Variants in RUNX3 observed in about 807,000 individuals in gnomAD.
The protein encoded by RUNX3 is runt-related transcription factor 3.
Under a neutral mutation model 27.7 loss-of-function variants are expected in RUNX3, and 10 were observed. That is an observed-to-expected ratio of 0.36 (90% confidence interval 0.22 to 0.61). The LOEUF (loss-of-function observed/expected upper bound fraction) is 0.61. Ranked by LOEUF, RUNX3 falls within the 20% of genes least tolerant of loss-of-function variation. RUNX3 has a pLI of 0.72. For missense variants in RUNX3, 469 were observed against 629.5 expected (o/e 0.75, Z 2.73); for synonymous variants, 270 against 269.2 (o/e 1.00, Z -0.03).
In RUNX3 at chr1:24,902,222, C is replaced by A. The variant is rs868718243; in HGVS notation, c.1148G>T (p.Gly383Val). Reference sequence around the variant, plus strand: ...GTCGGCCTCCACGCCATCACTCTGGCCGCCCAGGCTGGGGTTCATGAGGTT... The same window carrying A: ...GTCGGCCTCCACGCCATCACTCTGGACGCCCAGGCTGGGGTTCATGAGGTT... ...AGNLMNPSLG[G>V]QSDGVEADGS... is the part of the protein sequence containing the mutation. The change falls in exon 5 of 5, where the codon GGC (glycine) becomes GTC (valine). Residue 383 changes from glycine to valine, a missense_variant. Coordinates refer to ENST00000308873, the MANE Select transcript of RUNX3 (RefSeq NM_004350.3). This position sits in a 1 kb window ranked among gnomAD's most constrained non-coding sequence, Gnocchi z 9.2. The A allele has an allele frequency of 1.3e-6, 2 of 1,572,086 alleles. No homozygotes were observed. Among genetic ancestry groups the A allele is most frequent in the African/African-American group, 1.3e-5 (1 of 74,588 alleles).
At position 24,902,253 on chromosome 1, in the gene RUNX3, C is replaced by T. The variant is rs771171662; in HGVS notation, c.1117G>A (p.Ala373Thr). 6.3e-6 allele frequency: 10 copies of T among 1,585,348 alleles called. No homozygotes were observed. The highest frequency in any genetic ancestry group is 2.3e-5 in the South Asian group (2 of 87,394). The change falls in exon 5 of 5, where the codon GCC becomes ACC. Residue 373 changes from alanine to threonine, a missense_variant. Ala to Thr is a moderately conservative substitution (Grantham distance 58). Around this residue, in one of 3 missense-constraint regions of RUNX3, gnomAD observed 279 missense variants for 343.0 expected, o/e 0.81. Coordinates refer to ENST00000308873, the MANE Select transcript of RUNX3 (RefSeq NM_004350.3). This position sits in a 1 kb window ranked among gnomAD's most constrained non-coding sequence, Gnocchi z 9.2. ...AGGCTGGGGTTCATGAGGTTGCCGG[C>T]GGCGACAGAGGCAGCGCTGCTGGTG... is the stretch of plus-strand genomic sequence containing the variant. ...SCTSSAASVAAGNLMNPSLGG... is the reference protein window; with the variant it reads ...SCTSSAASVATGNLMNPSLGG...
At position 24,938,683 on chromosome 1, in the gene RUNX3, T is replaced by TG. The variant is rs560473330; in HGVS notation, c.59-8832dup. On this transcript the variant is annotated intron_variant, in intron 2 of 6. Coordinates refer to the RUNX3 transcript ENST00000338888. ...CCATTGTGATGGTATTAAGAGGCAG[T>TG]GGGGGGCCTTTCGGGAAGTGATTAA... Among the ~76,000 whole-genome samples, 348 of 152,216 alleles carry TG rather than the reference T, an allele frequency of 2.3e-3. 1 individual carries two copies. Among genetic ancestry groups the TG allele is most frequent in the Admixed American group, 5.6e-3 (86 of 15,292 alleles).
intron 3 of RUNX3, among the ~76,000 whole-genome samples, chr1:24,911,123 C>A (rs1311363043): frequency 6.6e-6 from 1 of 152,226 alleles, no homozygotes. Flanking sequence ...TGTGGATGAG[C>A]TGGGGGACAA....
intron 1 of RUNX3, among the ~76,000 whole-genome samples, chr1:24,928,078 C>T (rs1471441475): frequency 6.6e-6 from 1 of 152,136 alleles, no homozygotes; most frequent in Admixed American, 6.5e-5. Flanking sequence ...TCGGCTGCAG[C>T]GAAAGAGGAA....
At chr1:24,929,466 G>C (rs764150986) in intron 1 of RUNX3, 121 bp downstream of exon 1, 7 of 1,027,788 alleles carry the variant, frequency 6.8e-6, no homozygotes, top group Non-Finnish European at 8.8e-6. Flanking sequence ...CCGGGTGCCC[G>C]GGTGTCGCCG....
intron 1 of RUNX3, 62 bp downstream of exon 1, chr1:24,929,525 C>T (rs746758898): frequency 6.7e-7 from 1 of 1,488,442 alleles, no homozygotes; most frequent in South Asian, 1.2e-5. Context: ...GCTCTGGCTC[C>T]CGCAGCTCAG....
rs573506691 is a variant in RUNX3, at chr1:24,927,644, A to G, written c.369T>C (p.Asn123=). The change falls in exon 2 of 5, where the codon AAT becomes AAC. Residue 123 remains asparagine, a synonymous_variant. Transcript: ENST00000308873. The surrounding 1 kb of genome is among the most constrained non-coding windows in gnomAD (Gnocchi z 5.0). ...CCTGGTTCTTCATGACGGCCGAGGCATTGCGCAGCTCAGCGGAGTAGTTCT... is the reference window on the plus strand; with the variant it reads ...CCTGGTTCTTCATGACGGCCGAGGCGTTGCGCAGCTCAGCGGAGTAGTTCT... ...NDENYSAELR[N]ASAVMKNQVA... 3 of 1,614,142 alleles carry G rather than the reference A, an allele frequency of 1.9e-6. No individual in the cohort carries two copies. In the African/African-American group the frequency reaches 4.0e-5, roughly 22 times the overall value.
At chr1:24,938,960 C>T (rs1006179544) in intron 2 of RUNX3, among the ~76,000 whole-genome samples, 3 of 152,174 alleles carry the variant, frequency 2.0e-5, no homozygotes, top group African/African-American at 4.8e-5. Flanking sequence ...GTTACAGCGA[C>T]ACAGAGTGAA....
rs1641190865 is a variant in RUNX3, at chr1:24,930,179, G to A, written c.-311C>T. 1.0e-6 allele frequency: 1 copy of A among 978,796 alleles called. No homozygotes were observed. Among genetic ancestry groups the A allele is most frequent in the East Asian group, 1.2e-4 (1 of 8,652 alleles). The allele number at this position is 978,796 out of a possible 1,614,324, so 60.6% of individuals were successfully genotyped here. A position where few individuals can be genotyped will look rare whatever the true frequency, so the allele number is the denominator to read the frequency against. On this transcript the variant is annotated 5_prime_UTR_variant, in exon 1 of 5. Coordinates refer to ENST00000308873, the MANE Select transcript of RUNX3 (RefSeq NM_004350.3). The surrounding 1 kb of genome is among the most constrained non-coding windows in gnomAD (Gnocchi z 4.1). Reference sequence around the variant, plus strand: ...TGGGCCGCGGCGGGGCCCGCGCGGGGCTGTGCCGCTGCCGCCGCCTCCCGC... The same window carrying A: ...TGGGCCGCGGCGGGGCCCGCGCGGGACTGTGCCGCTGCCGCCGCCTCCCGC...
At chr1:24,954,859 C>T (rs1270875230) in intron 2 of RUNX3, among the ~76,000 whole-genome samples, 6 of 152,214 alleles carry the variant, frequency 3.9e-5, no homozygotes, top group Non-Finnish European at 1.5e-5. Context: ...GCCATGTCTA[C>T]ACTGGCCTAT....
chr1:24,933,083 C>T (rs1641268020), upstream of RUNX3, among the ~76,000 whole-genome samples: 1 of 152,144 alleles, frequency 6.6e-6, no homozygotes, highest in South Asian at 2.1e-4. Context: ...TGCCGCCTTC[C>T]CAGGGCAGGT....
Position 24,927,674 on chromosome 1 carries a change from A to G in RUNX3, c.339T>C (p.Asn113=), listed in dbSNP as rs748436428. 1 of 1,614,018 alleles carries G rather than the reference A, an allele frequency of 6.2e-7. No individual in the cohort carries two copies. The highest frequency in any genetic ancestry group is 8.5e-7 in the Non-Finnish European group (1 of 1,180,010). Residue 113 remains asparagine, a synonymous_variant, in exon 2 of 5, where the codon AAT becomes AAC. Transcript: ENST00000308873. This position sits in a 1 kb window ranked among gnomAD's most constrained non-coding sequence, Gnocchi z 5.0. ...DGTVVTVMAG[N]DENYSAELRN... ...GCAGCTCAGCGGAGTAGTTCTCGTC[A>G]TTGCCTGCCATCACAGTCACCACCG...
intron 3 of RUNX3, 68 bp downstream of exon 3, chr1:24,919,172 G>A: frequency 2.1e-6 from 2 of 961,712 alleles, no homozygotes; most frequent in African/African-American, 1.7e-5. Flanking sequence ...GTCTGACCTA[G>A]CTGCTGTCCT....
At chr1:24,903,261 G>A (rs946106345) in intron 4 of RUNX3, among the ~76,000 whole-genome samples, 3 of 152,228 alleles carry the variant, frequency 2.0e-5, no homozygotes, top group East Asian at 1.9e-4. Flanking sequence ...CTGCCCAGGT[G>A]CAGCACGCGG....
chr1:24,962,405 G>A lies in RUNX3; in HGVS notation c.58+2109C>T, dbSNP rs1384272766. On this transcript the variant is annotated intron_variant, in intron 2 of 6. Coordinates refer to the RUNX3 transcript ENST00000338888. The surrounding 1 kb of genome is among the most constrained non-coding windows in gnomAD (Gnocchi z 4.5). ...GACTGCCAAGGGTCGGTGGGTTAGG[G>A]ACCCTGTAGGGGGCAGCGTGGGGTT... 6.6e-6 allele frequency among the ~76,000 whole-genome samples: 1 copy of A among 152,194 alleles called. No individual in the cohort carries two copies. The highest frequency in any genetic ancestry group is 1.5e-5 in the Non-Finnish European group (1 of 68,024).
intron 2 of RUNX3, among the ~76,000 whole-genome samples, chr1:24,949,577 A>G (rs1464339768): frequency 6.6e-6 from 1 of 152,056 alleles, no homozygotes. Flanking sequence ...GTTGTCACTG[A>G]CCCCCACTGG....
Position 24,959,541 on chromosome 1 carries a change from C to T in RUNX3, c.58+4973G>A, listed in dbSNP as rs531458354. On this transcript the variant is annotated intron_variant, in intron 2 of 6. Coordinates refer to the RUNX3 transcript ENST00000338888. ...GGGAGGCCCCATGGACACATGTGCT[C>T]AGGGTGACCAGCCATCAGGGGTTGC... is the stretch of plus-strand genomic sequence containing the variant. Among the ~76,000 whole-genome samples, 6 of 152,306 alleles carry T rather than the reference C, an allele frequency of 3.9e-5. No individual in the cohort carries two copies. In the East Asian group the frequency reaches 9.6e-4, roughly 24 times the overall value.
At chr1:24,935,995 T>C (rs889808417) in intron 2 of RUNX3, among the ~76,000 whole-genome samples, 13 of 152,284 alleles carry the variant, frequency 8.5e-5, no homozygotes, top group African/African-American at 2.9e-4. Context: ...ACCGCTGCTC[T>C]CAGCGCAGAG....
chr1:24,911,169 C>T lies in RUNX3; in HGVS notation c.545-3752G>A, dbSNP rs140855986. Among the ~76,000 whole-genome samples the T allele has an allele frequency of 4.4e-3, 671 of 152,334 alleles. 16 individuals are homozygous for T. The highest frequency in any genetic ancestry group is 0.03 in the Admixed American group (460 of 15,294). On this transcript the variant is annotated intron_variant, in intron 3 of 4. Transcript: ENST00000308873. ...GAATCTTAACAGGCATGAAGCCTGCCGGGTGGACGTGGGGACCACAGACTG... is the reference window on the plus strand; with the variant it reads ...GAATCTTAACAGGCATGAAGCCTGCTGGGTGGACGTGGGGACCACAGACTG...
Sources: gnomAD v4.1 joint callset for allele counts (sites outside exome capture counted in the v4.1 genomes callset) on GRCh38, gnomAD v4.1.1 for gene constraint, gnomAD v4.1.1 regional missense constraint, Gnocchi (gnomAD v3.1) non-coding constraint, MANE v1.5 for transcripts, NCBI Gene and HGNC (gene_info 2026-07-23, HGNC 2026-07-21) for gene names.